Variants in GPC5 observed in about 807,000 individuals in gnomAD.
GPC5 encodes glypican-5.
GPC5 carries 47 observed loss-of-function variants against 53.9 expected under a neutral mutation model. That is an observed-to-expected ratio of 0.87 (90% CI 0.69 to 1.11). GPC5 has a LOEUF of 1.11. Ranked by LOEUF, GPC5 falls within the 50% of genes most tolerant of loss-of-function variation. The probability of loss-of-function intolerance (pLI) is 0.00; values close to 1 mark genes in which losing one functional copy is unlikely to be tolerated. For synonymous variants in GPC5, 286 were observed against 263.3 expected, an observed-to-expected ratio of 1.09 and a Z score of -0.84; for missense variants, 748 against 713.1, an observed-to-expected ratio of 1.05 and a Z score of -0.56.
At chr13:91,462,408 C>A (rs965289529) in intron 2 of GPC5, among the ~76,000 whole-genome samples, 6 of 152,000 alleles carry the variant, frequency 3.9e-5, no homozygotes, top group African/African-American at 1.2e-4. Flanking sequence ...GCAGAGCCCT[C>A]AGAATAATGT....
At position 91,763,325 on chromosome 13, in the gene GPC5, G is replaced by C. The variant is rs2037454455; in HGVS notation, c.1280+6905G>C. 2.0e-5 allele frequency among the ~76,000 whole-genome samples: 3 copies of C among 152,222 alleles called. No homozygotes were observed. The South Asian group carries it at 6.2e-4, about 32-fold the overall frequency. ...ACATCTCATGGTACGCACTTTCATG[G>C]ACATTTTTGTTAAATGGGAATCTAA... is the stretch of plus-strand genomic sequence containing the variant. On this transcript the variant is annotated intron_variant, in intron 5 of 7. Transcript: ENST00000377067.
chr13:91,711,737 A>C (rs1316568023), intron 3 of GPC5, among the ~76,000 whole-genome samples: 1 of 152,210 alleles, frequency 6.6e-6, no homozygotes, highest in African/African-American at 2.4e-5. Context: ...AAACACTTAG[A>C]AAAATGCTAC....
intron 7 of GPC5, among the ~76,000 whole-genome samples, chr13:92,498,374 T>G (rs550585831): frequency 6.6e-6 from 1 of 152,270 alleles, no homozygotes; most frequent in African/African-American, 2.4e-5. Flanking sequence ...CATTTTTCCC[T>G]TTCCAGTCCA....
In GPC5 at chr13:92,641,955, C is replaced by T. The variant is rs145002480; in HGVS notation, c.1562-224327C>T. Among the ~76,000 whole-genome samples, 159 of 143,446 alleles carry T rather than the reference C, an allele frequency of 1.1e-3. 2 individuals carry two copies. The East Asian group carries it at 0.02, about 18-fold the overall frequency. The allele number at this position is 143,446 out of a possible 152,430, so 94.1% of individuals were successfully genotyped here. Reference sequence around the variant, plus strand: ...AATCAGATAGACAGCTGAAATTATTCTCAGATCTGAAATTTTTTCTTATTC... The same window carrying T: ...AATCAGATAGACAGCTGAAATTATTTTCAGATCTGAAATTTTTTCTTATTC... On this transcript the variant is annotated intron_variant, in intron 7 of 7. Coordinates refer to ENST00000377067, the MANE Select transcript of GPC5 (RefSeq NM_004466.6).
At chr13:92,569,954 A>G (rs1227615716) in intron 7 of GPC5, among the ~76,000 whole-genome samples, 3 of 152,098 alleles carry the variant, frequency 2.0e-5, no homozygotes, top group African/African-American at 4.8e-5. Flanking sequence ...TCAGTCTGCA[A>G]TTTCCCATTT....
chr13:92,437,301 G>A (rs139666724), intron 7 of GPC5, among the ~76,000 whole-genome samples: 3 of 152,116 alleles, frequency 2.0e-5, no homozygotes, highest in South Asian at 2.1e-4. Flanking sequence ...TGCAGGTATC[G>A]GAGTCTTTAT....
chr13:92,723,614 A>G (rs990671335), intron 7 of GPC5, among the ~76,000 whole-genome samples: 1 of 151,684 alleles, frequency 6.6e-6, no homozygotes, highest in Non-Finnish European at 1.5e-5. Context: ...TTCACAATAT[A>G]TCCTTATAGT....
chr13:92,249,891 G>A (rs944795579), intron 7 of GPC5, among the ~76,000 whole-genome samples: 57 of 151,848 alleles, frequency 3.8e-4, no homozygotes, highest in African/African-American at 1.3e-3. Flanking sequence ...CTTAGTTTCC[G>A]GTACAATGAC....
At chr13:92,228,354 T>A (rs975334027) in intron 7 of GPC5, among the ~76,000 whole-genome samples, 45 of 152,210 alleles carry the variant, frequency 3.0e-4, no homozygotes, top group African/African-American at 1.1e-3. Flanking sequence ...TATTTTGAAA[T>A]ACCACAAATG....
At chr13:92,121,080 G>A (rs764742282) in intron 6 of GPC5, among the ~76,000 whole-genome samples, 6 of 152,042 alleles carry the variant, frequency 3.9e-5, no homozygotes, top group Non-Finnish European at 7.4e-5. Context: ...AACCACATAC[G>A]TCCAAGTAAA....
intron 7 of GPC5, among the ~76,000 whole-genome samples, chr13:92,836,298 A>G (rs980882136): frequency 1.3e-5 from 2 of 152,082 alleles, no homozygotes; most frequent in African/African-American, 2.4e-5. Flanking sequence ...ATTTTTACAT[A>G]AAGTTGTATT....
At chr13:92,143,900 G>T (rs2041848263) in intron 6 of GPC5, among the ~76,000 whole-genome samples, 1 of 152,104 alleles carries the variant, frequency 6.6e-6, no homozygotes, top group Non-Finnish European at 1.5e-5. Flanking sequence ...ATAAAGTGCT[G>T]TGAAAATTTA....
At chr13:92,630,178 A>T (rs1594364134) in intron 7 of GPC5, among the ~76,000 whole-genome samples, 1 of 152,216 alleles carries the variant, frequency 6.6e-6, no homozygotes, top group East Asian at 1.9e-4. Flanking sequence ...TTAATGAGCA[A>T]TTATTATAGG....
intron 2 of GPC5, among the ~76,000 whole-genome samples, chr13:91,477,109 T>A (rs1882975253): frequency 6.6e-6 from 1 of 152,208 alleles, no homozygotes; most frequent in African/African-American, 2.4e-5. Context: ...AATATTTATC[T>A]TTGGATGAAG....
chr13:91,861,705 T>C (rs1407525300), intron 5 of GPC5, among the ~76,000 whole-genome samples: 1 of 92,482 alleles, frequency 1.1e-5, no homozygotes, highest in Non-Finnish European at 2.8e-5. Context: ...TTCATAAATA[T>C]GTTAAATAAA....
At chr13:91,881,587 T>C (rs368746184) in intron 5 of GPC5, among the ~76,000 whole-genome samples, 2 of 152,246 alleles carry the variant, frequency 1.3e-5, no homozygotes, top group South Asian at 4.1e-4. Flanking sequence ...CCTTTATACA[T>C]CTATCTATCT....
Position 92,144,709 on chromosome 13 carries a change from T to C in GPC5, c.1402-121T>C, listed in dbSNP as rs891615635. 20 of 883,582 alleles carry C rather than the reference T, an allele frequency of 2.3e-5. No homozygotes were observed. The African/African-American group carries it at 3.1e-4, about 14-fold the overall frequency. 54.7% of individuals were successfully genotyped at this position (883,582 alleles called of 1,614,324 possible). On this transcript the variant is annotated intron_variant, in intron 6 of 7. Coordinates refer to ENST00000377067, the MANE Select transcript of GPC5 (RefSeq NM_004466.6). ...TTTCATTTTTCTTAAAGACTTGACT[T>C]GGTGTCTACACCAAAAGAGTGGATC...
intron 6 of GPC5, among the ~76,000 whole-genome samples, chr13:92,036,206 T>G (rs2040891955): frequency 6.6e-6 from 1 of 152,214 alleles, no homozygotes; most frequent in Non-Finnish European, 1.5e-5. Flanking sequence ...CATCAAACAG[T>G]CTTTTGCTAT....
chr13:92,245,756 C>T (rs535731324), intron 7 of GPC5, among the ~76,000 whole-genome samples: 9 of 152,162 alleles, frequency 5.9e-5, no homozygotes, highest in Middle Eastern at 3.4e-3. Context: ...AATGTTGGCA[C>T]TACATATTAA....
Sources: gnomAD v4.1 joint callset for allele counts (sites outside exome capture counted in the v4.1 genomes callset) on GRCh38, gnomAD v4.1.1 for gene constraint, MANE v1.5 for transcripts, NCBI Gene and HGNC (gene_info 2026-07-23, HGNC 2026-07-21) for gene names.